Variants in SPDYE3 observed in about 807,000 individuals in gnomAD.
The protein encoded by SPDYE3 is speedy protein E3.
Under a neutral mutation model 55.0 loss-of-function variants are expected in SPDYE3, and 15 were observed. The observed-to-expected ratio is 0.27, with a 90% CI of 0.18 to 0.42. SPDYE3 has a LOEUF of 0.42. SPDYE3 is among the 10% of genes least tolerant of loss of function. The pLI is 1.00. For missense variants in SPDYE3, 236 were observed against 576.7 expected, an observed-to-expected ratio of 0.41 and a Z score of 6.05; for synonymous variants, 89 against 229.9, an observed-to-expected ratio of 0.39 and a Z score of 5.55.
At chr7:100,318,068 A>G (rs1391209546) in intron 8 of SPDYE3, among the ~76,000 whole-genome samples, 5 of 151,574 alleles carry the variant, frequency 3.3e-5, no homozygotes, top group Non-Finnish European at 7.4e-5. Flanking sequence ...CGGACATGAC[A>G]CTTCCCCCAG....
intron 1 of SPDYE3, among the ~76,000 whole-genome samples, 169 bp from the exon 2 acceptor site, chr7:100,308,805 G>A (rs535514611): frequency 6.7e-6 from 1 of 150,092 alleles, no homozygotes; most frequent in African/African-American, 2.4e-5. Flanking sequence ...AATGGGGAGG[G>A]GAAGGAGTGG....
intron 10 of SPDYE3, chr7:100,320,478 T>A: frequency 1.0e-6 from 1 of 989,906 alleles, no homozygotes; most frequent in Non-Finnish European, 1.3e-6. Flanking sequence ...GGTAGGATTA[T>A]GGATTAGGCT....
chr7:100,316,914 C>A (rs1345707951), intron 7 of SPDYE3, among the ~76,000 whole-genome samples, 156 bp from the exon 8 acceptor site: 3 of 152,180 alleles, frequency 2.0e-5, no homozygotes, highest in Non-Finnish European at 4.4e-5. Flanking sequence ...TCGAATACCC[C>A]TCCACCCCGC....
intron 5 of SPDYE3, among the ~76,000 whole-genome samples, chr7:100,314,273 CA>C (rs71525858): frequency 7.0e-4 from 89 of 127,810 alleles, no homozygotes; most frequent in African/African-American, 1.7e-3. Context: ...TGTCTCGAAA[CA>C]AAAAAAAAAA....
At chr7:100,308,119 C>T in intron 1 of SPDYE3, 128 bp downstream of exon 1, 2 of 1,268,816 alleles carry the variant, frequency 1.6e-6, no homozygotes, top group Non-Finnish European at 2.1e-6. Context: ...CACCTGAGGT[C>T]AGCAGTTCAA....
At chr7:100,320,383 T>C in intron 10 of SPDYE3, 1 of 1,075,396 alleles carries the variant, frequency 9.3e-7, no homozygotes, top group Non-Finnish European at 1.2e-6. Flanking sequence ...GTTACCGATT[T>C]GGGTCGAGGG....
At chr7:100,315,247 C>G (rs1186662278) in intron 6 of SPDYE3, among the ~76,000 whole-genome samples, 1 of 152,002 alleles carries the variant, frequency 6.6e-6, no homozygotes, top group Non-Finnish European at 1.5e-5. Flanking sequence ...CCAATGCATT[C>G]CAGCCTGGCC....
At chr7:100,317,249 T>C (rs1806125521) in intron 8 of SPDYE3, 94 bp downstream of exon 8, 1 of 1,265,680 alleles carries the variant, frequency 7.9e-7, no homozygotes, top group Non-Finnish European at 1.1e-6. Context: ...CTTTCACCTA[T>C]TTGTCCTCTT....
At chr7:100,318,881 T>G (rs1402157295) in intron 8 of SPDYE3, among the ~76,000 whole-genome samples, 1 of 139,230 alleles carries the variant, frequency 7.2e-6, no homozygotes, top group East Asian at 2.0e-4. Context: ...CCACCACACC[T>G]GGACAGTTAT....
intron 8 of SPDYE3, among the ~76,000 whole-genome samples, chr7:100,319,344 G>C (rs552678969): frequency 6.6e-6 from 1 of 152,314 alleles, no homozygotes; most frequent in South Asian, 2.1e-4. Context: ...CACCACTCTT[G>C]GTCACCAGTT....
intron 8 of SPDYE3, among the ~76,000 whole-genome samples, chr7:100,318,282 C>T (rs1401961833): frequency 1.3e-5 from 2 of 152,128 alleles, no homozygotes; most frequent in Admixed American, 6.6e-5. Context: ...GAACATCTTT[C>T]CAAAGCACGA....
chr7:100,321,146 C>T lies in SPDYE3; in HGVS notation c.*301C>T. 1.9e-6 allele frequency: 1 copy of T among 524,022 alleles called. No individual in the cohort carries two copies. The highest frequency in any genetic ancestry group is 3.7e-6 in the Non-Finnish European group (1 of 269,208). The allele number at this position is 524,022 out of a possible 1,614,324, so 32.5% of individuals were successfully genotyped here. A position where few individuals can be genotyped will look rare whatever the true frequency, so the allele number is the denominator to read the frequency against. ...TCCACCCTTTCCTGCGGCACCACCT[C>T]CCTTTTTATATTGCTGAATGCCAAC... On this transcript the variant is annotated 3_prime_UTR_variant, in exon 11 of 11. Coordinates refer to ENST00000332397, the MANE Select transcript of SPDYE3 (RefSeq NM_001004351.5).
chr7:100,319,647 C>T lies in SPDYE3; in HGVS notation c.1429C>T (p.His477Tyr), dbSNP rs1789525609. The part of the protein sequence containing the change: ...FYFLYGKTHS[H>Y]IPLRPKHWFQ... ...CTTCCTGTACGGGAAGACCCACTCT[C>T]ACATACCCTTGCGCCCTAAGCATTG... is the stretch of plus-strand genomic sequence containing the variant. Residue 477 changes from histidine to tyrosine, a missense_variant, in exon 9 of 11, where the codon CAC becomes TAC. Physicochemically the swap from His to Tyr is moderately conservative, Grantham distance 83. Coordinates refer to ENST00000332397, the MANE Select transcript of SPDYE3 (RefSeq NM_001004351.5). 3 of 1,614,150 alleles carry T rather than the reference C, an allele frequency of 1.9e-6. No homozygotes were observed. Among genetic ancestry groups the T allele is most frequent in the Non-Finnish European group, 2.5e-6 (3 of 1,180,056 alleles).
intron 10 of SPDYE3, chr7:100,320,242 T>C: frequency 4.1e-6 from 5 of 1,229,364 alleles, no homozygotes; most frequent in Middle Eastern, 5.9e-4. Flanking sequence ...CGCTGGAGCC[T>C]GGGAGGTCGG....
At chr7:100,318,966 G>T (rs1200618027) in intron 8 of SPDYE3, among the ~76,000 whole-genome samples, 1 of 151,088 alleles carries the variant, frequency 6.6e-6, no homozygotes, top group Non-Finnish European at 1.5e-5. Context: ...GGCTGGAATG[G>T]AGGGGCCCAA....
At chr7:100,312,475 T>G (rs1584997515) in intron 4 of SPDYE3, among the ~76,000 whole-genome samples, 4 of 107,778 alleles carry the variant, frequency 3.7e-5, no homozygotes, top group South Asian at 2.7e-4. Context: ...CCAGTCTGGG[T>G]GAGAGAGTGA....
At chr7:100,318,093 C>T (rs904434092) in intron 8 of SPDYE3, among the ~76,000 whole-genome samples, 48 of 152,088 alleles carry the variant, frequency 3.2e-4, no homozygotes, top group African/African-American at 9.9e-4. Context: ...CAGACGTTTC[C>T]GGTTCTTCTC....
rs1319167158 is a variant in SPDYE3, at chr7:100,307,780, C to T, written c.-106C>T. 8.4e-6 allele frequency: 12 copies of T among 1,431,696 alleles called. No individual in the cohort carries two copies. The highest frequency in any genetic ancestry group is 5.0e-5 in the East Asian group (2 of 40,148). 88.7% of individuals were successfully genotyped at this position (1,431,696 alleles called of 1,614,324 possible). On this transcript the variant is annotated 5_prime_UTR_variant, in exon 1 of 11. Transcript: ENST00000332397. ...CTCCACTCCTGACTTCTCCCAGCCT[C>T]GAGAATTGATAACACACTCTTCTGG...
In SPDYE3 at chr7:100,307,939, C is replaced by T. The variant is rs1248510396; in HGVS notation, c.54C>T (p.Thr18=). 1.9e-6 allele frequency: 3 copies of T among 1,580,132 alleles called. No homozygotes were observed. The highest frequency in any genetic ancestry group is 2.7e-5 in the African/African-American group (2 of 74,514). Residue 18 remains threonine (T), a synonymous_variant, in exon 1 of 11, where the codon ACC becomes ACT. Transcript: ENST00000332397. Reference sequence around the variant, plus strand: ...AAGAGCAGAGCCCCCAGCGGAGCACCTCAGGGTACCCCCTCCAGGAGGTGG... The same window carrying T: ...AAGAGCAGAGCCCCCAGCGGAGCACTTCAGGGTACCCCCTCCAGGAGGTGG... The part of the protein sequence containing the change: ...PQEEQSPQRS[T]SGYPLQEVVD...
Sources: allele counts gnomAD v4.1 joint callset (sites outside exome capture counted in the v4.1 genomes callset), GRCh38; gene constraint gnomAD v4.1.1; transcripts MANE v1.5; gene names NCBI Gene and HGNC (gene_info 2026-07-23, HGNC 2026-07-21).